GPR173: variants seen among roughly 807,000 people sequenced by gnomAD.
GPR173 encodes the protein G protein-coupled receptor 173.
GPR173 carries 2 observed loss-of-function variants against 13.9 expected under a neutral mutation model. That is an observed-to-expected ratio of 0.14 (90% CI 0.06 to 0.45). The LOEUF is 0.45. Among genes scored for constraint, GPR173 ranks in the 20% least tolerant of loss-of-function variants. The pLI is 0.98. For missense variants in GPR173, 202 were observed against 340.5 expected, an observed-to-expected ratio of 0.59 and a Z score of 3.20; for synonymous variants, 131 against 141.0, an observed-to-expected ratio of 0.93 and a Z score of 0.50.
chrX:53,061,987 GA>G (rs1556803831), intron 1 of GPR173, among the ~76,000 whole-genome samples: 15 of 85,223 alleles, frequency 1.8e-4, no homozygotes, highest in African/African-American at 6.5e-4. Flanking sequence ...GGGAAGGGAA[GA>G]GAAAGAAGAG....
chrX:53,061,731 A>G (rs1932127982), intron 1 of GPR173, among the ~76,000 whole-genome samples: 1 of 111,713 alleles, frequency 9.0e-6, no homozygotes, highest in Non-Finnish European at 1.9e-5. Context: ...TCAGTTTTTT[A>G]TGACACACTT....
chrX:53,058,424 CGTGTGT>C (rs112505843), intron 1 of GPR173, among the ~76,000 whole-genome samples: 6,390 of 100,833 alleles, frequency 0.063, 340 homozygotes, highest in African/African-American at 0.16. Context: ...TCCAGGTGCA[CGTGTGT>C]GTGTGTGTGT....
chrX:53,075,689 G>A (rs200017998), intron 1 of GPR173, among the ~76,000 whole-genome samples: 1 of 109,884 alleles, frequency 9.1e-6, no homozygotes, highest in Non-Finnish European at 1.9e-5. Flanking sequence ...GCATCTCTGC[G>A]ACTTCACCTT....
At chrX:53,052,219 T>A (rs1397654920) in intron 1 of GPR173, among the ~76,000 whole-genome samples, 1 of 111,456 alleles carries the variant, frequency 9.0e-6, no homozygotes, top group Admixed American at 9.5e-5. Context: ...CATTTGATTA[T>A]GTATGTGAGT....
Position 53,076,835 on chromosome X carries a change from T to C in GPR173, c.214T>C (p.Ser72Pro). 1 of 1,209,719 alleles carries C rather than the reference T, an allele frequency of 8.3e-7. No homozygotes were observed. Among genetic ancestry groups the C allele is most frequent in the Non-Finnish European group, 1.1e-6 (1 of 894,526 alleles). Residue 72 changes from serine to proline, a missense_variant, in exon 2 of 2, where the codon TCT (serine) becomes CCT (proline). This residue lies in a region of GPR173 where 98 missense variants were observed against 137.2 expected (regional missense o/e 0.71). Transcript: ENST00000332582. The stretch of plus-strand genomic sequence containing the variant: ...CCTGTGCCTGGCCGATGGCATACGC[T>C]CTGCCGTCTGCTTCCCCTTTGTGCT... ...LDLCLADGIR[S>P]AVCFPFVLAS...
At chrX:53,075,976 T>TA (rs782510546) in intron 1 of GPR173, among the ~76,000 whole-genome samples, 4 of 110,540 alleles carry the variant, frequency 3.6e-5, no homozygotes, top group East Asian at 5.7e-4. Flanking sequence ...TGGGTGGCAG[T>TA]AAAAAAAAGT....
rs199638944 is a variant in GPR173, at chrX:53,060,027, T to C, written c.-98+10543T>C. Among the ~76,000 whole-genome samples, 670 of 101,421 alleles carry C rather than the reference T, an allele frequency of 6.6e-3. 3 individuals are homozygous for C. Among genetic ancestry groups the C allele is most frequent in the African/African-American group, 0.024 (630 of 26,351 alleles). The allele number at this position is 101,421 out of a possible 115,157, so 88.1% of individuals were successfully genotyped here. A position where few individuals can be genotyped will look rare whatever the true frequency, so the allele number is the denominator to read the frequency against. ...ACAAAGTGTATATTATATATATATA[T>C]ATATACACACACACACATACACACA... On this transcript the variant is annotated intron_variant, in intron 1 of 1. Transcript: ENST00000332582.
chrX:53,077,279 G>A lies in GPR173; in HGVS notation c.658G>A (p.Val220Met), dbSNP rs202232678. The A allele has an allele frequency of 3.8e-4, 449 of 1,183,869 alleles. No homozygotes were observed. Among genetic ancestry groups the A allele is most frequent in the Non-Finnish European group, 4.9e-4 (433 of 880,621 alleles). ...FEYRHRKMKP[V>M]QMVPAISQNW... is the part of the protein sequence containing the mutation. Reference sequence around the variant, plus strand: ...GTATCGTCACCGCAAGATGAAGCCAGTGCAGATGGTGCCAGCCATCAGCCA... The same window carrying A: ...GTATCGTCACCGCAAGATGAAGCCAATGCAGATGGTGCCAGCCATCAGCCA... Residue 220 changes from valine (V) to methionine (M), a missense_variant, in exon 2 of 2, where the codon GTG becomes ATG. Around this residue, in one of 3 missense-constraint regions of GPR173, gnomAD observed 28 missense variants for 87.0 expected, o/e 0.32. Coordinates refer to ENST00000332582, the MANE Select transcript of GPR173 (RefSeq NM_018969.6).
intron 1 of GPR173, among the ~76,000 whole-genome samples, chrX:53,066,896 T>G (rs781901540): frequency 9.0e-6 from 1 of 111,496 alleles, no homozygotes; most frequent in South Asian, 3.7e-4. Flanking sequence ...ATGAGACCTA[T>G]AGACAAACTT....
chrX:53,075,134 A>T (rs1556805650), intron 1 of GPR173, among the ~76,000 whole-genome samples: 1 of 107,099 alleles, frequency 9.3e-6, no homozygotes. Context: ...ACTGTGTTCC[A>T]CCCACAGTGG....
At chrX:53,056,131 G>C (rs782006442) in intron 1 of GPR173, among the ~76,000 whole-genome samples, 1 of 109,568 alleles carries the variant, frequency 9.1e-6, no homozygotes, top group African/African-American at 3.3e-5. Context: ...TGGGGTACAA[G>C]TTTGAATGTA....
chrX:53,074,679 TA>T (rs1932394410), intron 1 of GPR173, among the ~76,000 whole-genome samples: 1 of 85,792 alleles, frequency 1.2e-5, no homozygotes, highest in African/African-American at 4.7e-5. Context: ...TATTTATTTA[TA>T]AATATTATAA....
At position 53,077,335 on chromosome X, in the gene GPR173, C is replaced by T. The variant is rs868924488; in HGVS notation, c.714C>T (p.Thr238=). The T allele has an allele frequency of 2.1e-5, 25 of 1,194,821 alleles. No homozygotes were observed. The highest frequency in any genetic ancestry group is 2.3e-4 in the Middle Eastern group (1 of 4,353). ...QNWTFHGPGA[T]GQAAANWIAG... ...GGACATTCCATGGTCCCGGGGCCAC[C>T]GGCCAGGCTGCTGCCAACTGGATCG... The change falls in exon 2 of 2, where the codon ACC becomes ACT. Residue 238 remains threonine (T), a synonymous_variant. Coordinates refer to ENST00000332582, the MANE Select transcript of GPR173 (RefSeq NM_018969.6).
chrX:53,049,935 G>GGTGTGTGTGTGTGT (rs782209160), intron 1 of GPR173, among the ~76,000 whole-genome samples: 2 of 93,015 alleles, frequency 2.2e-5, no homozygotes, highest in African/African-American at 4.4e-5. Flanking sequence ...CTGCTGGCCG[G>GGTGTGTGTGTGTGT]GTGTGTGTGT....
intron 1 of GPR173, among the ~76,000 whole-genome samples, chrX:53,059,206 G>A (rs782007699): frequency 3.7e-4 from 40 of 106,908 alleles, no homozygotes; most frequent in Middle Eastern, 4.8e-3. Context: ...CTGAGATCGC[G>A]CAACTGCACT....
Position 53,076,838 on chromosome X carries a change from G to A in GPR173, c.217G>A (p.Ala73Thr). The A allele has an allele frequency of 8.3e-7, 1 of 1,209,732 alleles. No individual in the cohort carries two copies. The highest frequency in any genetic ancestry group is 1.1e-6 in the Non-Finnish European group (1 of 894,614). Residue 73 changes from alanine to threonine, a missense_variant, in exon 2 of 2, where the codon GCC (alanine) becomes ACC (threonine). Ala to Thr is a moderately conservative substitution (Grantham distance 58). Coordinates refer to ENST00000332582, the MANE Select transcript of GPR173 (RefSeq NM_018969.6). Reference protein sequence around the residue: ...DLCLADGIRSAVCFPFVLASV... With the variant: ...DLCLADGIRSTVCFPFVLASV... ...GTGCCTGGCCGATGGCATACGCTCT[G>A]CCGTCTGCTTCCCCTTTGTGCTGGC...
At chrX:53,074,982 C>T (rs1932407033) in intron 1 of GPR173, among the ~76,000 whole-genome samples, 1 of 103,454 alleles carries the variant, frequency 9.7e-6, no homozygotes, top group Non-Finnish European at 2.0e-5. Flanking sequence ...TCTGTTCCAT[C>T]CTAGATCATA....
rs200824572 is a variant in GPR173 at position 53,061,988 on chromosome X, A to G, written c.-98+12504A>G. 8.2e-3 allele frequency among the ~76,000 whole-genome samples: 517 copies of G among 62,934 alleles called. 6 individuals carry two copies. Among genetic ancestry groups the G allele is most frequent in the African/African-American group, 0.054 (427 of 7,904 alleles). 54.7% of individuals were successfully genotyped at this position (62,934 alleles called of 115,157 possible). A position where few individuals can be genotyped will look rare whatever the true frequency, so the allele number is the denominator to read the frequency against. On this transcript the variant is annotated intron_variant, in intron 1 of 1. Coordinates refer to ENST00000332582, the MANE Select transcript of GPR173 (RefSeq NM_018969.6). The stretch of plus-strand genomic sequence containing the variant: ...GAGAGAGAAGAGAAGGGAAGGGAAG[A>G]GAAAGAAGAGAAGAGAAGAGAAGAG...
chrX:53,073,600 A>G (rs1382772855), intron 1 of GPR173, among the ~76,000 whole-genome samples: 1 of 106,641 alleles, frequency 9.4e-6, no homozygotes, highest in Non-Finnish European at 1.9e-5. Context: ...CAGCCCATTT[A>G]ATCCCTCAAT....
Sources: gnomAD v4.1 joint callset for allele counts (sites outside exome capture counted in the v4.1 genomes callset) on GRCh38, gnomAD v4.1.1 for gene constraint, gnomAD v4.1.1 regional missense constraint, MANE v1.5 for transcripts, NCBI Gene and HGNC (gene_info 2026-07-23, HGNC 2026-07-21) for gene names.